Variants in SCAF8 observed in about 807,000 individuals in gnomAD.
SCAF8 encodes SR-related CTD associated factor 8.
SCAF8 carries 23 observed loss-of-function variants against 140.5 expected under a neutral mutation model. The ratio of observed to expected loss-of-function variants is 0.16; its 90% CI spans 0.12 to 0.23. SCAF8 has a LOEUF of 0.23. SCAF8 is among the 10% of genes least tolerant of loss of function. The pLI is 1.00. For missense variants in SCAF8, 1,397 were observed against 1,555.7 expected, an observed-to-expected ratio of 0.90 and a Z score of 1.72; for synonymous variants, 575 against 528.9, an observed-to-expected ratio of 1.09 and a Z score of -1.20.
chr6:154,750,093 T>A lies in SCAF8; in HGVS notation c.30+16163T>A, dbSNP rs1029779565. On this transcript the variant is annotated intron_variant, in intron 1 of 19. Coordinates refer to ENST00000367178, the MANE Select transcript of SCAF8 (RefSeq NM_014892.5). ...GGCAAATCAGGGAGAGAAAGAAGAT[T>A]GAGGAGAATGATAATTTGGGGGGGA... 2.1e-5 allele frequency among the ~76,000 whole-genome samples: 3 copies of A among 143,272 alleles called. No individual in the cohort carries two copies. In the East Asian group the frequency reaches 6.8e-4, roughly 33 times the overall value. 94.0% of individuals were successfully genotyped at this position (143,272 alleles called of 152,430 possible). A position where few individuals can be genotyped will look rare whatever the true frequency, so the allele number is the denominator to read the frequency against.
chr6:154,803,669 G>A (rs1777834213), intron 8 of SCAF8, 46 bp downstream of exon 8: 1 of 1,178,700 alleles, frequency 8.5e-7, no homozygotes, highest in Non-Finnish European at 1.3e-6. Flanking sequence ...TATTTAGTGG[G>A]ATGTTGCCAT....
Position 154,831,128 on chromosome 6 carries a change from A to G in SCAF8, c.2347A>G (p.Asn783Asp), listed in dbSNP as rs777857661. 1.6e-5 allele frequency: 25 copies of G among 1,587,336 alleles called. No individual in the cohort carries two copies. The highest frequency in any genetic ancestry group is 2.2e-5 in the Non-Finnish European group (25 of 1,156,844). ...AGACCACCAGATTTCTTCTGGTGAA[A>G]ACACCAGATCAGGTAAATAATAATA... ...LIDHQISSGENTRSVIPNDIS... is the reference protein window; with the variant it reads ...LIDHQISSGEDTRSVIPNDIS... Residue 783 changes from asparagine to aspartate, a missense_variant, in exon 19 of 20, where the codon AAC becomes GAC. Around this residue, in one of 5 missense-constraint regions of SCAF8, gnomAD observed 930 missense variants for 874.6 expected, o/e 1.06. Coordinates refer to ENST00000367178, the MANE Select transcript of SCAF8 (RefSeq NM_014892.5).
chr6:154,735,930 G>T (rs1018189209), intron 1 of SCAF8, among the ~76,000 whole-genome samples: 4 of 150,706 alleles, frequency 2.7e-5, no homozygotes, highest in African/African-American at 9.8e-5. Flanking sequence ...GGGCCCAAGG[G>T]GTCCTCCTCT....
chr6:154,758,184 A>C (rs1422397564), intron 1 of SCAF8, among the ~76,000 whole-genome samples: 1 of 152,054 alleles, frequency 6.6e-6, no homozygotes, highest in Non-Finnish European at 1.5e-5. Flanking sequence ...AGTGCTGGGA[A>C]TACAGGTTTG....
chr6:154,805,808 A>G (rs1395139000), intron 9 of SCAF8, among the ~76,000 whole-genome samples: 3 of 152,114 alleles, frequency 2.0e-5, no homozygotes, highest in East Asian at 1.9e-4. Context: ...GGGTTTCAGA[A>G]TTACCACTTA....
chr6:154,810,243 A>C lies in SCAF8; in HGVS notation c.1420+35A>C, dbSNP rs552055673. ...ATATATCTGCAACGCTTTGGTTTCA[A>C]TTAATATTTAAAAAATAGTTATCTG... On this transcript the variant is annotated intron_variant, in intron 12 of 19. Transcript: ENST00000367178. The C allele has an allele frequency of 8.5e-4, 1,225 of 1,446,010 alleles. 27 individuals carry two copies. The South Asian group carries it at 0.014, about 17-fold the overall frequency. The allele number at this position is 1,446,010 out of a possible 1,614,324, so 89.6% of individuals were successfully genotyped here.
Position 154,804,543 on chromosome 6 carries a change from C to T in SCAF8, c.864-826C>T, listed in dbSNP as rs370819257. Among the ~76,000 whole-genome samples, 87 of 152,136 alleles carry T rather than the reference C, an allele frequency of 5.7e-4. 4 individuals carry two copies. The East Asian group carries it at 0.015, about 26-fold the overall frequency. On this transcript the variant is annotated intron_variant, in intron 8 of 19. Coordinates refer to ENST00000367178, the MANE Select transcript of SCAF8 (RefSeq NM_014892.5). ...GTGTGTTCTTTTGTTGAGCTGAATC[C>T]TGTTTCCTTTATTTTCTATTAATAT... is the stretch of plus-strand genomic sequence containing the variant.
At chr6:154,791,937 G>T (rs558615318) in intron 4 of SCAF8, among the ~76,000 whole-genome samples, 35 of 152,086 alleles carry the variant, frequency 2.3e-4, no homozygotes, top group Non-Finnish European at 4.4e-4. Context: ...GGCATATCAA[G>T]AAGAGTAAAT....
At chr6:154,770,877 T>G (rs1320418466) in intron 1 of SCAF8, among the ~76,000 whole-genome samples, 1 of 152,126 alleles carries the variant, frequency 6.6e-6, no homozygotes, top group Non-Finnish European at 1.5e-5. Context: ...CCTGAGTAAC[T>G]GGGATTACAG....
chr6:154,808,611 A>G, intron 10 of SCAF8, 75 bp from the exon 11 acceptor site: 1 of 979,580 alleles, frequency 1.0e-6, no homozygotes, highest in Non-Finnish European at 1.6e-6. Context: ...CAATATTTTT[A>G]AAAACAGAAT....
Position 154,818,584 on chromosome 6 carries a change from G to A in SCAF8, c.1627G>A (p.Val543Ile), listed in dbSNP as rs200164689. Residue 543 changes from valine (V) to isoleucine (I), a missense_variant, in exon 14 of 20, where the codon GTC becomes ATC. Coordinates refer to ENST00000367178, the MANE Select transcript of SCAF8 (RefSeq NM_014892.5). ...TGGATCATATAAAATTGGGTCCAAG[G>A]TCATTAAGGTGAGATTTGGTGGATT... The part of the protein sequence containing the change: ...SSGSYKIGSK[V>I]IKIAWALNKG... 255 of 1,561,418 alleles carry A rather than the reference G, an allele frequency of 1.6e-4. 1 individual carries two copies. The African/African-American group carries it at 3.1e-3, about 19-fold the overall frequency.
intron 3 of SCAF8, among the ~76,000 whole-genome samples, chr6:154,780,354 CTT>C (rs74777379): frequency 2.6e-4 from 35 of 135,340 alleles, no homozygotes; most frequent in Admixed American, 5.2e-4. Context: ...TAGTTCCTTC[CTT>C]TTTTTTTTTT....
Position 154,795,127 on chromosome 6 carries a change from T to G in SCAF8, c.594T>G (p.Pro198=), listed in dbSNP as rs748182744. 3 of 1,601,714 alleles carry G rather than the reference T, an allele frequency of 1.9e-6. No individual in the cohort carries two copies. Among genetic ancestry groups the G allele is most frequent in the Non-Finnish European group, 2.5e-6 (3 of 1,177,228 alleles). Residue 198 remains proline (P), a synonymous_variant, in exon 6 of 20, where the codon CCT becomes CCG. Transcript: ENST00000367178. ...LAAVAQILQS[P]QGQQLQQLIQ... ...CTGTAGCTCAGATCTTGCAAAGTCC[T>G]CAAGGCCAGCAGGTGAGCGGTTTTT...
intron 1 of SCAF8, among the ~76,000 whole-genome samples, chr6:154,739,177 G>A: frequency 6.6e-6 from 1 of 152,082 alleles, no homozygotes; most frequent in East Asian, 1.9e-4. Context: ...GTAGGGAAGG[G>A]TGGGGGGTGT....
chr6:154,737,757 T>C (rs543150285), intron 1 of SCAF8, among the ~76,000 whole-genome samples: 1 of 152,138 alleles, frequency 6.6e-6, no homozygotes, highest in African/African-American at 2.4e-5. Context: ...CTAATTGTTT[T>C]TGTTTTGTAG....
At chr6:154,820,484 C>G in intron 15 of SCAF8, 151 bp downstream of exon 15, 1 of 590,940 alleles carries the variant, frequency 1.7e-6, no homozygotes, top group Non-Finnish European at 2.9e-6. Flanking sequence ...AGTGTACATG[C>G]TTAATGGGAC....
chr6:154,751,348 A>G (rs949559725), intron 1 of SCAF8, among the ~76,000 whole-genome samples: 4 of 150,946 alleles, frequency 2.6e-5, no homozygotes, highest in Middle Eastern at 3.4e-3. Context: ...TCTGCCTCAA[A>G]CTCCCGAGTA....
Position 154,802,045 on chromosome 6 carries a change from T to C in SCAF8, c.681T>C (p.Ala227=), listed in dbSNP as rs1777787640. Residue 227 remains alanine, a synonymous_variant, in exon 7 of 20, where the codon GCT becomes GCC. Transcript: ENST00000367178. ...CTTCCATTCTGCAGGCCCTAGATGCTGGTCTTGTTGTTCAGTTGCAAGCTC... is the reference window on the plus strand; with the variant it reads ...CTTCCATTCTGCAGGCCCTAGATGCCGGTCTTGTTGTTCAGTTGCAAGCTC... ...PQPSILQALD[A]GLVVQLQALT... The C allele has an allele frequency of 5.6e-6, 9 of 1,613,138 alleles. No individual in the cohort carries two copies. Among genetic ancestry groups the C allele is most frequent in the Non-Finnish European group, 5.9e-6 (7 of 1,179,446 alleles).
Position 154,831,024 on chromosome 6 carries a change from C to A in SCAF8, c.2243C>A (p.Thr748Asn). 1 of 1,614,068 alleles carries A rather than the reference C, an allele frequency of 6.2e-7. No homozygotes were observed. Among genetic ancestry groups the A allele is most frequent in the South Asian group, 1.1e-5 (1 of 91,090 alleles). The change falls in exon 19 of 20, where the codon ACT becomes AAT. Residue 748 changes from threonine to asparagine, a missense_variant. Physicochemically the swap from Thr to Asn is moderately conservative, Grantham distance 65. Transcript: ENST00000367178. ...GGTTCTGTTGCCAGCAATCTTGCTA[C>A]TTCCGCTCTGCCAGCTGGAAATGTT... ...PGGSVASNLA[T>N]SALPAGNVFN...
Sources: allele counts gnomAD v4.1 joint callset (sites outside exome capture counted in the v4.1 genomes callset), GRCh38; gene constraint gnomAD v4.1.1; regional missense constraint gnomAD v4.1.1; transcripts MANE v1.5; gene names NCBI Gene and HGNC (gene_info 2026-07-23, HGNC 2026-07-21).